CALCR: variants seen among roughly 807,000 people sequenced by gnomAD.
CALCR encodes calcitonin receptor.
In CALCR, 47 loss-of-function variants were observed where a neutral mutation model predicts 59.5. The ratio of observed to expected loss-of-function variants is 0.79; its 90% CI spans 0.63 to 1.01. CALCR has a LOEUF of 1.01. CALCR is among the 50% of genes least tolerant of loss of function. The pLI, the probability that CALCR is intolerant of heterozygous loss-of-function variation, is 0.00. For synonymous variants in CALCR, 213 were observed against 211.3 expected (o/e 1.01, Z -0.07); for missense variants, 566 against 597.1 (o/e 0.95, Z 0.54).
intron 3 of CALCR, among the ~76,000 whole-genome samples, chr7:93,485,632 A>G (rs1800925824): frequency 6.6e-6 from 1 of 151,660 alleles, no homozygotes; most frequent in Admixed American, 6.6e-5. Context: ...TTACATCCAT[A>G]GAAGACCACA....
chr7:93,560,799 G>T (rs1038401492), intron 2 of CALCR, among the ~76,000 whole-genome samples: 2 of 152,100 alleles, frequency 1.3e-5, no homozygotes, highest in African/African-American at 4.8e-5. Context: ...AGAATTGTGG[G>T]TGAGGGATAA....
intron 8 of CALCR, among the ~76,000 whole-genome samples, chr7:93,449,812 A>G (rs1322323878): frequency 2.0e-5 from 3 of 152,008 alleles, no homozygotes; most frequent in Non-Finnish European, 2.9e-5. Flanking sequence ...AAAACTTACA[A>G]TGCTGGATGA....
intron 3 of CALCR, among the ~76,000 whole-genome samples, chr7:93,484,434 T>A (rs948687602): frequency 6.6e-6 from 1 of 151,764 alleles, no homozygotes; most frequent in Non-Finnish European, 1.5e-5. Flanking sequence ...GATTGCCACA[T>A]GCAAAACTAC....
At position 93,524,093 on chromosome 7, in the gene CALCR, T is replaced by A. The variant is rs922476265; in HGVS notation, c.-26-37086A>T. 4.0e-5 allele frequency among the ~76,000 whole-genome samples: 6 copies of A among 151,894 alleles called. No individual in the cohort carries two copies. The South Asian group carries it at 1.2e-3, about 31-fold the overall frequency. The stretch of plus-strand genomic sequence containing the variant: ...CTCATTAAGTAAAATGAAAAATATA[T>A]AAAGAAATAAAAAGTTGGCTAGAGT... On this transcript the variant is annotated intron_variant, in intron 2 of 13. Transcript: ENST00000426151.
intron 13 of CALCR, among the ~76,000 whole-genome samples, chr7:93,429,108 C>T (rs1253957738): frequency 2.0e-5 from 3 of 152,108 alleles, no homozygotes; most frequent in African/African-American, 4.8e-5. Flanking sequence ...TCTTTAATTG[C>T]GTCCAAAATT....
At position 93,443,760 on chromosome 7, in the gene CALCR, G is replaced by A. The variant is rs1237250206; in HGVS notation, c.649-3C>T. On this transcript the variant is annotated splice_polypyrimidine_tract_variant and splice_region_variant and intron_variant, in intron 8 of 13. Coordinates refer to ENST00000426151, the MANE Select transcript of CALCR (RefSeq NM_001742.4). The stretch of plus-strand genomic sequence containing the variant: ...AAATGCAAAATCTTGCAGCTCACCT[G>A]TCAGAAAGAAAGGAAGATACTCAGA... 1.2e-6 allele frequency: 2 copies of A among 1,611,484 alleles called. No individual in the cohort carries two copies. Among genetic ancestry groups the A allele is most frequent in the Non-Finnish European group, 1.7e-6 (2 of 1,178,334 alleles).
chr7:93,439,700 G>C (rs1303603335), intron 9 of CALCR, among the ~76,000 whole-genome samples: 1 of 151,890 alleles, frequency 6.6e-6, no homozygotes, highest in Non-Finnish European at 1.5e-5. Flanking sequence ...AATCCTGTCT[G>C]TGTAGGATTC....
At chr7:93,558,005 G>A (rs1789650428) in intron 2 of CALCR, among the ~76,000 whole-genome samples, 1 of 151,850 alleles carries the variant, frequency 6.6e-6, no homozygotes, top group South Asian at 2.1e-4. Flanking sequence ...TGATTTAGAG[G>A]CTTTCAGGGA....
chr7:93,477,680 G>A lies in CALCR; in HGVS notation c.206-12C>T, dbSNP rs751675801. Reference sequence around the variant, plus strand: ...ATTGCAATATGGACCTGGCCATTTAGAAGGAAATTGATATTGAAGCCTTGT... The same window carrying A: ...ATTGCAATATGGACCTGGCCATTTAAAAGGAAATTGATATTGAAGCCTTGT... On this transcript the variant is annotated splice_polypyrimidine_tract_variant and intron_variant, in intron 4 of 13. Transcript: ENST00000426151. 6.6e-7 allele frequency: 1 copy of A among 1,520,714 alleles called. No individual in the cohort carries two copies. Among genetic ancestry groups the A allele is most frequent in the Non-Finnish European group, 9.1e-7 (1 of 1,096,622 alleles). The allele number at this position is 1,520,714 out of a possible 1,614,324, so 94.2% of individuals were successfully genotyped here. A position where few individuals can be genotyped will look rare whatever the true frequency, so the allele number is the denominator to read the frequency against.
At chr7:93,443,469 C>T in intron 9 of CALCR, 135 bp downstream of exon 9, 2 of 761,858 alleles carry the variant, frequency 2.6e-6, no homozygotes, top group Non-Finnish European at 4.3e-6. Flanking sequence ...TGAACTCCTG[C>T]CAGTACCTGT....
chr7:93,514,535 T>A (rs1375722745), intron 2 of CALCR, among the ~76,000 whole-genome samples: 2 of 151,998 alleles, frequency 1.3e-5, no homozygotes, highest in Non-Finnish European at 2.9e-5. Flanking sequence ...AATATAATAA[T>A]CTAATCTGAA....
chr7:93,498,474 C>G (rs561815689), intron 2 of CALCR, among the ~76,000 whole-genome samples: 1 of 151,622 alleles, frequency 6.6e-6, no homozygotes, highest in African/African-American at 2.4e-5. Context: ...GGCATTGTAA[C>G]CTCACGTATA....
intron 7 of CALCR, chr7:93,462,245 G>A (rs1800352986): frequency 1.9e-6 from 1 of 532,082 alleles, no homozygotes; most frequent in South Asian, 2.6e-5. Context: ...AATTTAACTT[G>A]TTAAACAGGT....
At chr7:93,538,860 G>T (rs713137) in intron 2 of CALCR, among the ~76,000 whole-genome samples, 56,432 of 151,858 alleles carry the variant, frequency 0.37, 11,573 homozygotes, top group Non-Finnish European at 0.47. Flanking sequence ...CCTGAGATAT[G>T]AGTTGAATAC....
intron 2 of CALCR, among the ~76,000 whole-genome samples, chr7:93,493,909 T>C (rs1386467558): frequency 6.6e-6 from 1 of 151,432 alleles, no homozygotes; most frequent in Non-Finnish European, 1.5e-5. Context: ...GTTGGAGTTT[T>C]TGAGATGTAT....
chr7:93,464,818 G>C (rs1800408109), intron 7 of CALCR, among the ~76,000 whole-genome samples: 1 of 151,880 alleles, frequency 6.6e-6, no homozygotes, highest in African/African-American at 2.4e-5. Flanking sequence ...CAGGAAGGCA[G>C]CTAGAGATGT....
intron 9 of CALCR, among the ~76,000 whole-genome samples, chr7:93,440,204 T>A (rs1799870781): frequency 6.6e-6 from 1 of 152,140 alleles, no homozygotes; most frequent in Non-Finnish European, 1.5e-5. Flanking sequence ...CTTTTAAAAG[T>A]ATGTAGGTTT....
intron 2 of CALCR, among the ~76,000 whole-genome samples, chr7:93,544,182 AT>A (rs530901759): frequency 3.1e-4 from 47 of 152,178 alleles, no homozygotes; most frequent in Middle Eastern, 3.4e-3. Context: ...ACTAAAAAAA[AT>A]AATGCCAAAA....
intron 8 of CALCR, among the ~76,000 whole-genome samples, chr7:93,445,589 T>C (rs1455871216): frequency 6.6e-6 from 1 of 152,114 alleles, no homozygotes; most frequent in Non-Finnish European, 1.5e-5. Flanking sequence ...CCATTGCTTC[T>C]AGGGAAAACA....
Sources: gnomAD v4.1 joint callset for allele counts (sites outside exome capture counted in the v4.1 genomes callset) on GRCh38, gnomAD v4.1.1 for gene constraint, MANE v1.5 for transcripts, NCBI Gene and HGNC (gene_info 2026-07-23, HGNC 2026-07-21) for gene names.